Variants in BTNL2 observed in about 807,000 individuals in gnomAD.
BTNL2 encodes the protein butyrophilin-like protein 2.
In BTNL2, 46 loss-of-function variants were observed where a neutral mutation model predicts 46.8. The ratio of observed to expected loss-of-function variants is 0.98; its 90% CI spans 0.78 to 1.26. The LOEUF (loss-of-function observed/expected upper bound fraction) is 1.26. Ranked by LOEUF, BTNL2 falls within the 50% of genes most tolerant of loss-of-function variation. The probability of loss-of-function intolerance (pLI) is 0.00; values close to 1 mark genes in which losing one functional copy is unlikely to be tolerated. For synonymous variants in BTNL2, 226 were observed against 229.1 expected, an observed-to-expected ratio of 0.99 and a Z score of 0.12; for missense variants, 461 against 592.6, an observed-to-expected ratio of 0.78 and a Z score of 2.31.
In BTNL2 at chr6:32,394,442, T is replaced by C. The variant is rs1480250638; in HGVS notation, c.1360+302A>G. Among the ~76,000 whole-genome samples, 1 of 151,832 alleles carries C rather than the reference T, an allele frequency of 6.6e-6. No individual in the cohort carries two copies. The highest frequency in any genetic ancestry group is 1.9e-4 in the East Asian group (1 of 5,132). On this transcript the variant is annotated intron_variant, in intron 6 of 7. Coordinates refer to ENST00000454136, the MANE Select transcript of BTNL2 (RefSeq NM_001304561.2). This position sits in a 1 kb window ranked among gnomAD's most constrained non-coding sequence, Gnocchi z 4.6. ...AAAACACAAAGTTCTGTAATTTAAT[T>C]GTTTTCACATCAGAAGAAGAGAATT...
intron 4 of BTNL2, among the ~76,000 whole-genome samples, chr6:32,400,486 A>G (rs1389508007): frequency 6.6e-6 from 1 of 152,096 alleles, no homozygotes; most frequent in South Asian, 2.1e-4. Context: ...AAGAGGCCAT[A>G]AAAAGGAGGG....
intron 4 of BTNL2, among the ~76,000 whole-genome samples, 163 bp downstream of exon 4, chr6:32,401,622 C>G (rs1443755618): frequency 6.6e-6 from 1 of 152,132 alleles, no homozygotes; most frequent in Non-Finnish European, 1.5e-5. Flanking sequence ...TTGAATGAGG[C>G]CATTACTTTG....
rs961769174 is a variant in BTNL2, at chr6:32,396,738, T to C, written c.731-352A>G. Among the ~76,000 whole-genome samples the C allele has an allele frequency of 6.6e-5, 10 of 152,156 alleles. No homozygotes were observed. The highest frequency in any genetic ancestry group is 2.4e-4 in the African/African-American group (10 of 41,434). On this transcript the variant is annotated intron_variant, in intron 4 of 7. Coordinates refer to ENST00000454136, the MANE Select transcript of BTNL2 (RefSeq NM_001304561.2). This position sits in a 1 kb window ranked among gnomAD's most constrained non-coding sequence, Gnocchi z 4.4. ...GCTCAAGTCTATAATCCCAGCACTT[T>C]GGGAGGCCGAAGCGGGTGGATCACC...
Position 32,405,466 on chromosome 6 carries a change from G to A in BTNL2, c.80-180C>T, listed in dbSNP as rs1045357887. On this transcript the variant is annotated intron_variant, in intron 1 of 7. Transcript: ENST00000454136. ...CTGTTTGTTACAGAGTCAATTTTGTGTACTGAAAACAAATGCAGTTCAAAA... is the reference window on the plus strand; with the variant it reads ...CTGTTTGTTACAGAGTCAATTTTGTATACTGAAAACAAATGCAGTTCAAAA... 16 of 743,258 alleles carry A rather than the reference G, an allele frequency of 2.2e-5. No homozygotes were observed. The Admixed American group carries it at 2.6e-4, about 12-fold the overall frequency. The allele number at this position is 743,258 out of a possible 1,614,324, so 46.0% of individuals were successfully genotyped here. A position where few individuals can be genotyped will look rare whatever the true frequency, so the allele number is the denominator to read the frequency against.
chr6:32,401,795 C>A lies in BTNL2; in HGVS notation c.720G>T (p.Gln240His). ...GSVISLPEKL[Q>H]TELASLKVNG... The stretch of plus-strand genomic sequence containing the variant: ...GCACCTCGTACTTACCCAGCTCAGT[C>A]TGGAGTTTCTCTGGAAAAAGAACAA... Residue 240 changes from glutamine (Q) to histidine (H), a missense_variant, in exon 4 of 8, where the codon CAG (glutamine) becomes CAT (histidine). By Grantham distance (24) the Gln-to-His change is conservative. Coordinates refer to ENST00000454136, the MANE Select transcript of BTNL2 (RefSeq NM_001304561.2). 2 of 1,611,866 alleles carry A rather than the reference C, an allele frequency of 1.2e-6. No individual in the cohort carries two copies. Among genetic ancestry groups the A allele is most frequent in the East Asian group, 4.5e-5 (2 of 44,730 alleles).
chr6:32,397,822 G>A (rs1452706034), intron 4 of BTNL2, among the ~76,000 whole-genome samples: 1 of 152,264 alleles, frequency 6.6e-6, no homozygotes, highest in South Asian at 2.1e-4. Flanking sequence ...GTGGACTTTT[G>A]GTAATGATAT....
chr6:32,405,876 C>G (rs1490667397), intron 1 of BTNL2, among the ~76,000 whole-genome samples: 1 of 150,168 alleles, frequency 6.7e-6, no homozygotes, highest in Non-Finnish European at 1.5e-5. Flanking sequence ...ATTACTGGGA[C>G]TATGTACAAT....
chr6:32,402,598 T>C (rs919747838), intron 3 of BTNL2, among the ~76,000 whole-genome samples: 1 of 152,224 alleles, frequency 6.6e-6, no homozygotes, highest in African/African-American at 2.4e-5. Context: ...CTTCATATGA[T>C]AGATTTCTAG....
chr6:32,401,746 G>T, intron 4 of BTNL2, 39 bp downstream of exon 4: 1 of 1,587,764 alleles, frequency 6.3e-7, no homozygotes, highest in Admixed American at 1.8e-5. Flanking sequence ...GGAGGGCAGA[G>T]GCTCCCTCCA....
intron 1 of BTNL2, chr6:32,406,073 C>G (rs1238203678): frequency 6.6e-6 from 1 of 152,532 alleles, no homozygotes; most frequent in African/African-American, 2.4e-5. Context: ...TATGTTCTTT[C>G]TCATTCTAAA....
chr6:32,394,663 A>G lies in BTNL2; in HGVS notation c.1360+81T>C, dbSNP rs190868814. The G allele has an allele frequency of 2.1e-6, 3 of 1,452,978 alleles. No homozygotes were observed. Among genetic ancestry groups the G allele is most frequent in the African/African-American group, 2.8e-5 (2 of 70,784 alleles). The allele number at this position is 1,452,978 out of a possible 1,614,324, so 90.0% of individuals were successfully genotyped here. ...ATCAGCAAATAAAAATCACAAAGGA[A>G]GAAGAGCAATACAATGAGTAAGTCT... On this transcript the variant is annotated intron_variant, in intron 6 of 7. Transcript: ENST00000454136. The surrounding 1 kb of genome is among the most constrained non-coding windows in gnomAD (Gnocchi z 4.6).
chr6:32,403,242 C>T (rs765719298), intron 2 of BTNL2, 26 bp from the exon 3 acceptor site: 1 of 1,571,920 alleles, frequency 6.4e-7, no homozygotes, highest in South Asian at 1.1e-5. Context: ...ACAGCTCTGA[C>T]ACCCAGAGCC....
At position 32,393,813 on chromosome 6, in the gene BTNL2, C is replaced by A; in HGVS notation, c.*6+150G>T. ...CACTGAGCCTGGATTGCATGATAAG[C>A]CCTGGGCTTTCCTGTTTCTCATGTT... On this transcript the variant is annotated intron_variant, in intron 7 of 7. Transcript: ENST00000454136. The surrounding 1 kb of genome is among the most constrained non-coding windows in gnomAD (Gnocchi z 4.8). 1.8e-6 allele frequency: 2 copies of A among 1,134,040 alleles called. No homozygotes were observed. Among genetic ancestry groups the A allele is most frequent in the Non-Finnish European group, 1.2e-6 (1 of 826,530 alleles). The allele number at this position is 1,134,040 out of a possible 1,614,324, so 70.2% of individuals were successfully genotyped here. A position where few individuals can be genotyped will look rare whatever the true frequency, so the allele number is the denominator to read the frequency against.
rs887038963 is a variant in BTNL2 at position 32,396,366 on chromosome 6, G to A, written c.751C>T (p.Pro251Ser). 2.5e-6 allele frequency: 4 copies of A among 1,612,674 alleles called. No individual in the cohort carries two copies. In the African/African-American group the frequency reaches 5.3e-5, roughly 21 times the overall value. Reference protein sequence around the residue: ...TELASLKVNGPSQPILVRVGE... With the variant: ...TELASLKVNGSSQPILVRVGE... ...ACTCTGACGAGGATGGGCTGGGAAGGTCCATTCACTTTTAAAGAAGCTGTT... is the reference window on the plus strand; with the variant it reads ...ACTCTGACGAGGATGGGCTGGGAAGATCCATTCACTTTTAAAGAAGCTGTT... The change falls in exon 5 of 8, where the codon CCT becomes TCT. Residue 251 changes from proline (P) to serine (S), a missense_variant. Coordinates refer to ENST00000454136, the MANE Select transcript of BTNL2 (RefSeq NM_001304561.2). The surrounding 1 kb of genome is among the most constrained non-coding windows in gnomAD (Gnocchi z 4.4).
At position 32,396,373 on chromosome 6, in the gene BTNL2, C is replaced by G; in HGVS notation, c.744G>C (p.Val248=). Reference sequence around the variant, plus strand: ...CGAGGATGGGCTGGGAAGGTCCATTCACTTTTAAAGAAGCTGTTAAATAGA... The same window carrying G: ...CGAGGATGGGCTGGGAAGGTCCATTGACTTTTAAAGAAGCTGTTAAATAGA... ...KLQTELASLK[V]NGPSQPILVR... Residue 248 remains valine (V), a synonymous_variant, in exon 5 of 8, where the codon GTG becomes GTC. Coordinates refer to ENST00000454136, the MANE Select transcript of BTNL2 (RefSeq NM_001304561.2). This position sits in a 1 kb window ranked among gnomAD's most constrained non-coding sequence, Gnocchi z 4.4. 1 of 1,612,442 alleles carries G rather than the reference C, an allele frequency of 6.2e-7. No homozygotes were observed. The highest frequency in any genetic ancestry group is 8.5e-7 in the Non-Finnish European group (1 of 1,179,770).
intron 4 of BTNL2, among the ~76,000 whole-genome samples, chr6:32,401,346 C>T (rs118050003): frequency 0.017 from 2,606 of 151,348 alleles, 75 homozygotes; most frequent in East Asian, 0.11. Flanking sequence ...AGGTGCAGGA[C>T]CCCATAGCAG....
chr6:32,396,411 CAATG>C lies in BTNL2; in HGVS notation c.731-29_731-26del. The stretch of plus-strand genomic sequence containing the variant: ...GCTGTTAAATAGAGTGGACAAAACA[CAATG>C]AAAGAATCAAAATGGAACCAATAAT... On this transcript the variant is annotated intron_variant, in intron 4 of 7. Coordinates refer to ENST00000454136, the MANE Select transcript of BTNL2 (RefSeq NM_001304561.2). The surrounding 1 kb of genome is among the most constrained non-coding windows in gnomAD (Gnocchi z 4.4). 6.3e-7 allele frequency: 1 copy of C among 1,586,010 alleles called. No individual in the cohort carries two copies. Among genetic ancestry groups the C allele is most frequent in the Non-Finnish European group, 8.6e-7 (1 of 1,159,630 alleles).
chr6:32,404,911 G>A lies in BTNL2; in HGVS notation c.427+28C>T, dbSNP rs968031381. On this transcript the variant is annotated intron_variant, in intron 2 of 7. Coordinates refer to ENST00000454136, the MANE Select transcript of BTNL2 (RefSeq NM_001304561.2). The stretch of plus-strand genomic sequence containing the variant: ...AAATTAATATATCTCTGCCTCTTGA[G>A]ACCCTGTGTCTTTCCCCAGATATTC... 4.4e-6 allele frequency: 7 copies of A among 1,590,202 alleles called. No individual in the cohort carries two copies. The Admixed American group carries it at 6.7e-5, about 15-fold the overall frequency.
intron 5 of BTNL2, among the ~76,000 whole-genome samples, chr6:32,395,274 A>G (rs1562246757): frequency 1.3e-5 from 2 of 152,214 alleles, no homozygotes; most frequent in Non-Finnish European, 2.9e-5. Flanking sequence ...TTCAAATCCA[A>G]CATTTATTCT....
Sources: gnomAD v4.1 joint callset for allele counts (sites outside exome capture counted in the v4.1 genomes callset) on GRCh38, gnomAD v4.1.1 for gene constraint, Gnocchi (gnomAD v3.1) non-coding constraint, MANE v1.5 for transcripts, NCBI Gene and HGNC (gene_info 2026-07-23, HGNC 2026-07-21) for gene names.